The following ITFG1 variants were observed in gnomAD, a reference collection of about 807,000 sequenced individuals.
ITFG1 encodes integrin alpha FG-GAP repeat containing 1, also known as T-cell immunomodulatory protein.
ITFG1 carries 34 observed loss-of-function variants against 81.8 expected under a neutral mutation model. The observed-to-expected ratio is 0.42, with a 90% CI of 0.32 to 0.55. The LOEUF (loss-of-function observed/expected upper bound fraction) is 0.55. Ranked by LOEUF, ITFG1 falls within the 20% of genes least tolerant of loss-of-function variation. The pLI is 0.17. For synonymous variants in ITFG1, 285 were observed against 270.6 expected (o/e 1.05, Z -0.52); for missense variants, 672 against 755.4 (o/e 0.89, Z 1.29).
chr16:47,324,925 C>T (rs1428264884), intron 8 of ITFG1, among the ~76,000 whole-genome samples: 2 of 152,062 alleles, frequency 1.3e-5, no homozygotes, highest in African/African-American at 2.4e-5. Context: ...GACAGATCAG[C>T]GAGACAGAAA....
chr16:47,293,099 T>C (rs2151555690), intron 10 of ITFG1, among the ~76,000 whole-genome samples: 1 of 146,658 alleles, frequency 6.8e-6, no homozygotes, highest in Admixed American at 6.8e-5. Flanking sequence ...TATATGTATA[T>C]ACATATGATA....
At chr16:47,188,784 T>C (rs991126126) in intron 14 of ITFG1, among the ~76,000 whole-genome samples, 1 of 149,660 alleles carries the variant, frequency 6.7e-6, no homozygotes, top group Non-Finnish European at 1.5e-5. Flanking sequence ...AAAAAAAAAA[T>C]ACAAAAAAAG....
chr16:47,448,084 A>T (rs528577164), intron 5 of ITFG1: 33 of 152,326 alleles, frequency 2.2e-4, no homozygotes, highest in African/African-American at 7.7e-4. Flanking sequence ...CTGATTACAA[A>T]GTCAAAAGCT....
At chr16:47,352,586 A>C (rs1967976927) in intron 8 of ITFG1, among the ~76,000 whole-genome samples, 1 of 152,216 alleles carries the variant, frequency 6.6e-6, no homozygotes, top group Non-Finnish European at 1.5e-5. Flanking sequence ...GTGGAGAAAG[A>C]GGAACACTTT....
intron 8 of ITFG1, among the ~76,000 whole-genome samples, chr16:47,326,364 A>T (rs1249289257): frequency 6.6e-6 from 1 of 152,198 alleles, no homozygotes; most frequent in Non-Finnish European, 1.5e-5. Flanking sequence ...CACAGCCAAT[A>T]TCATACTGAA....
At position 47,406,225 on chromosome 16, in the gene ITFG1, T is replaced by A. The variant is rs528015821; in HGVS notation, c.655+22579A>T. 2.0e-5 allele frequency among the ~76,000 whole-genome samples: 3 copies of A among 152,300 alleles called. No homozygotes were observed. In the East Asian group the frequency reaches 5.8e-4, roughly 29 times the overall value. On this transcript the variant is annotated intron_variant, in intron 6 of 17. Transcript: ENST00000320640. ...ATGATAACCTTATGATATCTTAAGG[T>A]TGGAGTGATTTAATTTGTATTTTTA...
At chr16:47,455,706 T>G (rs1039192921) in intron 2 of ITFG1, among the ~76,000 whole-genome samples, 8 of 147,586 alleles carry the variant, frequency 5.4e-5, no homozygotes, top group Admixed American at 2.7e-4. Context: ...GAGGTGGAGA[T>G]TGCAGTGAGC....
intron 6 of ITFG1, among the ~76,000 whole-genome samples, chr16:47,402,079 G>C (rs1262933919): frequency 3.9e-4 from 59 of 152,054 alleles, no homozygotes; most frequent in Non-Finnish European, 1.6e-4. Context: ...TGTTCATATA[G>C]GCACATGACA....
chr16:47,426,199 T>G (rs2151608625), intron 6 of ITFG1: 1 of 152,234 alleles, frequency 6.6e-6, no homozygotes, highest in African/African-American at 2.4e-5. Context: ...TAGGAAAGAC[T>G]TATTTCTTCT....
chr16:47,390,124 T>G (rs1968512070), intron 6 of ITFG1, among the ~76,000 whole-genome samples: 1 of 152,222 alleles, frequency 6.6e-6, no homozygotes, highest in Admixed American at 6.5e-5. Context: ...GAAGCATTCC[T>G]TTTCAGTCTG....
At chr16:47,356,584 T>C (rs1467010996) in intron 8 of ITFG1, among the ~76,000 whole-genome samples, 3 of 152,124 alleles carry the variant, frequency 2.0e-5, no homozygotes, top group South Asian at 2.1e-4. Context: ...AAGTGATAAG[T>C]AGTAAAGGGC....
chr16:47,458,223 C>T (rs1969477879), intron 2 of ITFG1, among the ~76,000 whole-genome samples: 1 of 152,170 alleles, frequency 6.6e-6, no homozygotes, highest in South Asian at 2.1e-4. Context: ...TCCCAGTCTG[C>T]CCTTCTTATC....
rs145928273 is a variant in ITFG1, at chr16:47,260,937, T to C, written c.1071-242A>G. 3.0e-3 allele frequency among the ~76,000 whole-genome samples: 464 copies of C among 152,360 alleles called. 3 individuals are homozygous for C. Among genetic ancestry groups the C allele is most frequent in the African/African-American group, 0.011 (448 of 41,588 alleles). On this transcript the variant is annotated intron_variant, in intron 10 of 17. Coordinates refer to ENST00000320640, the MANE Select transcript of ITFG1 (RefSeq NM_030790.5). ...GGTTGCTGGCTTCTTTCCTTTTCTA[T>C]GGAGTTTCCAAGTCCATCCCTTCTT...
intron 6 of ITFG1, among the ~76,000 whole-genome samples, chr16:47,414,248 C>A (rs1968846148): frequency 6.6e-6 from 1 of 151,372 alleles, no homozygotes; most frequent in African/African-American, 2.4e-5. Flanking sequence ...GGAATAATAC[C>A]AAGGATCTAT....
intron 10 of ITFG1, among the ~76,000 whole-genome samples, chr16:47,262,118 C>T (rs1966215962): frequency 6.6e-6 from 1 of 152,200 alleles, no homozygotes; most frequent in Non-Finnish European, 1.5e-5. Flanking sequence ...ACCAAATATT[C>T]AATTTGCATG....
At position 47,313,819 on chromosome 16, in the gene ITFG1, T is replaced by A; in HGVS notation, c.807A>T (p.Gly269=). The stretch of plus-strand genomic sequence containing the variant: ...GCAGTAAATGATCCATGTGTCCATC[T>A]CCATCTGCCAAAAGAAACTTCAAGA... ...VGQSAFADFD[G]DGHMDHLLPG... The change falls in exon 9 of 18, where the codon GGA becomes GGT. Residue 269 remains glycine (G), a synonymous_variant. Coordinates refer to ENST00000320640, the MANE Select transcript of ITFG1 (RefSeq NM_030790.5). 6.3e-7 allele frequency: 1 copy of A among 1,590,914 alleles called. No homozygotes were observed. Among genetic ancestry groups the A allele is most frequent in the African/African-American group, 1.4e-5 (1 of 73,992 alleles).
intron 14 of ITFG1, 42 bp downstream of exon 14, chr16:47,218,826 G>A: frequency 8.1e-7 from 1 of 1,232,312 alleles, no homozygotes; most frequent in South Asian, 1.5e-5. Flanking sequence ...TATATTGACT[G>A]AAGAAGCTTT....
At chr16:47,343,312 A>G (rs543331626) in intron 8 of ITFG1, among the ~76,000 whole-genome samples, 2 of 152,112 alleles carry the variant, frequency 1.3e-5, no homozygotes, top group Admixed American at 1.3e-4. Flanking sequence ...TACTCATACC[A>G]TGTACAAAAA....
chr16:47,430,859 AT>A (rs1164114574), intron 5 of ITFG1, among the ~76,000 whole-genome samples: 1 of 152,250 alleles, frequency 6.6e-6, no homozygotes, highest in Non-Finnish European at 1.5e-5. Context: ...AAACAAACAA[AT>A]ACTTGAAAAA....
Sources: allele counts gnomAD v4.1 joint callset (sites outside exome capture counted in the v4.1 genomes callset), GRCh38; gene constraint gnomAD v4.1.1; transcripts MANE v1.5; gene names NCBI Gene and HGNC (gene_info 2026-07-23, HGNC 2026-07-21).